Variants in OR7E24 observed in about 807,000 individuals in gnomAD.
OR7E24 encodes the protein olfactory receptor 7E24.
For synonymous variants in OR7E24, 130 were observed against 157.5 expected (o/e 0.83, Z 1.31); for missense variants, 385 against 410.3 (o/e 0.94, Z 0.53).
chr19:9,214,393 A>G, the OR7E24 span: 1 of 1,614,084 alleles, frequency 6.2e-7, no homozygotes, highest in African/African-American at 1.3e-5. Context: ...ATGATGAACC[A>G]AGATGCCAGA....
chr19:9,243,668 T>C (rs59996011), upstream of OR7E24, among the ~76,000 whole-genome samples: 3,001 of 152,252 alleles, frequency 0.02, 90 homozygotes, highest in African/African-American at 0.069. Context: ...TCCATTGCCT[T>C]TGACACAGTT....
At chr19:9,231,671 A>T in the OR7E24 span, among the ~76,000 whole-genome samples, 2 of 151,876 alleles carry the variant, frequency 1.3e-5, no homozygotes, top group Admixed American at 1.3e-4. Context: ...TCTGAAATAT[A>T]TTATTTTGCA....
chr19:9,209,501 G>C, the OR7E24 span: 15 of 152,016 alleles, frequency 9.9e-5, no homozygotes, highest in Non-Finnish European at 1.9e-4. Context: ...AAAGTTTAAG[G>C]CAGGTGTTTG....
chr19:9,226,964 GT>G, the OR7E24 span, among the ~76,000 whole-genome samples: 1 of 152,098 alleles, frequency 6.6e-6, no homozygotes, highest in Admixed American at 6.5e-5. Flanking sequence ...GGTCATAGGG[GT>G]TTGTTGTACA....
chr19:9,246,473 T>G (rs1010744461), upstream of OR7E24, among the ~76,000 whole-genome samples: 3 of 126,862 alleles, frequency 2.4e-5, no homozygotes, highest in African/African-American at 1.2e-4. Flanking sequence ...GTATTGTGTG[T>G]GTGTGTGTGT....
chr19:9,251,187 G>T lies in OR7E24; in HGVS notation c.144G>T (p.Leu48=), dbSNP rs2066145000. 1 of 1,613,862 alleles carries T rather than the reference G, an allele frequency of 6.2e-7. No homozygotes were observed. Among genetic ancestry groups the T allele is most frequent in the African/African-American group, 1.3e-5 (1 of 74,860 alleles). Residue 48 remains leucine (L), a synonymous_variant, in exon 1 of 1, where the codon CTG becomes CTT. Coordinates refer to ENST00000456448, the MANE Select transcript of OR7E24 (RefSeq NM_001079935.2). ...AACTGCAGCCGGTCCTCGCTGGGCT[G>T]TTCCTGTCCATGTACCTGGTCACGG... ...DPELQPVLAG[L]FLSMYLVTVL... is the part of the protein sequence containing the mutation.
the OR7E24 span, among the ~76,000 whole-genome samples, chr19:9,227,749 CTTTTT>C: frequency 9.3e-6 from 1 of 107,914 alleles, no homozygotes. Flanking sequence ...AATGGTATTT[CTTTTT>C]TTTTTTTTTT....
chr19:9,245,254 A>T (rs1489099842), upstream of OR7E24, among the ~76,000 whole-genome samples: 1 of 152,012 alleles, frequency 6.6e-6, no homozygotes, highest in East Asian at 1.9e-4. Context: ...ACTTGAATAG[A>T]CATTTCTCTA....
At chr19:9,214,702 T>C in the OR7E24 span, 2 of 1,613,910 alleles carry the variant, frequency 1.2e-6, no homozygotes, top group South Asian at 2.2e-5. Context: ...ACGGCCAGAA[T>C]GATGAGCAGG....
At chr19:9,217,266 A>C in the OR7E24 span, among the ~76,000 whole-genome samples, 1 of 152,386 alleles carries the variant, frequency 6.6e-6, no homozygotes, top group South Asian at 2.1e-4. Flanking sequence ...TGAATTGCCA[A>C]GAAATGTGAC....
At chr19:9,223,068 T>G in the OR7E24 span, among the ~76,000 whole-genome samples, 3 of 152,350 alleles carry the variant, frequency 2.0e-5, no homozygotes, top group African/African-American at 7.2e-5. Context: ...ATATGGCTTT[T>G]GTTCTTCATT....
chr19:9,251,349 C>G lies in OR7E24; in HGVS notation c.306C>G (p.Asp102Glu). ...CCACGGTCCCCAAGATGATTGTGGA[C>G]ATGCAAACTCACAGCAGAGTCATCT... Reference protein sequence around the residue: ...TSTTVPKMIVDMQTHSRVISY... With the variant: ...TSTTVPKMIVEMQTHSRVISY... The change falls in exon 1 of 1, where the codon GAC becomes GAG. Residue 102 changes from aspartate (D) to glutamate (E), a missense_variant. Asp to Glu is a conservative substitution (Grantham distance 45). Coordinates refer to ENST00000456448, the MANE Select transcript of OR7E24 (RefSeq NM_001079935.2). 6.2e-7 allele frequency: 1 copy of G among 1,614,040 alleles called. No homozygotes were observed. The highest frequency in any genetic ancestry group is 8.5e-7 in the Non-Finnish European group (1 of 1,179,984).
At chr19:9,225,285 G>C in the OR7E24 span, among the ~76,000 whole-genome samples, 6 of 152,016 alleles carry the variant, frequency 3.9e-5, no homozygotes, top group Non-Finnish European at 5.9e-5. Flanking sequence ...CAAGAGAACT[G>C]CTTGAACCTG....
chr19:9,228,961 G>A, the OR7E24 span, among the ~76,000 whole-genome samples: 1 of 152,200 alleles, frequency 6.6e-6, no homozygotes, highest in African/African-American at 2.4e-5. Context: ...ACTTTAAGAG[G>A]TGATGGGTAT....
chr19:9,240,421 C>G, the OR7E24 span, among the ~76,000 whole-genome samples: 1 of 152,208 alleles, frequency 6.6e-6, no homozygotes, highest in Non-Finnish European at 1.5e-5. Context: ...AGATGAGGAG[C>G]TAATTTCATT....
chr19:9,229,793 G>A, the OR7E24 span, among the ~76,000 whole-genome samples: 5 of 152,100 alleles, frequency 3.3e-5, no homozygotes, highest in Admixed American at 6.5e-5. Flanking sequence ...AACCCTTGAG[G>A]CAATGGAAAC....
chr19:9,245,059 CA>C (rs34476948), upstream of OR7E24, among the ~76,000 whole-genome samples: 905 of 151,408 alleles, frequency 6.0e-3, 7 homozygotes, highest in African/African-American at 0.021. Context: ...CAAAAAAATA[CA>C]AAAAAAATTA....
the OR7E24 span, among the ~76,000 whole-genome samples, chr19:9,236,628 G>A: frequency 3.3e-5 from 5 of 151,736 alleles, no homozygotes; most frequent in African/African-American, 1.2e-4. Flanking sequence ...TATTTCTGCT[G>A]AAGAGCTCTC....
At chr19:9,230,758 AAAT>A in the OR7E24 span, among the ~76,000 whole-genome samples, 1 of 152,194 alleles carries the variant, frequency 6.6e-6, no homozygotes, top group Non-Finnish European at 1.5e-5. Flanking sequence ...GCCATGTAAA[AAAT>A]AATATTATTT....
Sources: allele counts gnomAD v4.1 joint callset (sites outside exome capture counted in the v4.1 genomes callset), GRCh38; gene constraint gnomAD v4.1.1; transcripts MANE v1.5; gene names NCBI Gene and HGNC (gene_info 2026-07-23, HGNC 2026-07-21).